The following IL1RAPL1 variants were observed in gnomAD, a reference collection of about 807,000 sequenced individuals.
IL1RAPL1 encodes interleukin-1 receptor accessory protein-like 1.
IL1RAPL1 carries 3 observed loss-of-function variants against 48.4 expected under a neutral mutation model. The ratio of observed to expected loss-of-function variants is 0.06; its 90% CI spans 0.03 to 0.16. The LOEUF is 0.16. IL1RAPL1 is among the 10% of genes least tolerant of loss of function. IL1RAPL1 has a pLI of 1.00. For missense variants in IL1RAPL1, 349 were observed against 530.6 expected, an observed-to-expected ratio of 0.66 and a Z score of 3.36; for synonymous variants, 185 against 187.7, an observed-to-expected ratio of 0.99 and a Z score of 0.12.
intron 2 of IL1RAPL1, among the ~76,000 whole-genome samples, chrX:28,798,703 A>G (rs975321726): frequency 8.9e-6 from 1 of 112,252 alleles, no homozygotes; most frequent in Non-Finnish European, 1.9e-5. Flanking sequence ...AAGAATTGTC[A>G]GCCAGGAGCC....
chrX:29,299,181 G>A (rs777727404), intron 3 of IL1RAPL1, among the ~76,000 whole-genome samples: 1 of 111,219 alleles, frequency 9.0e-6, no homozygotes, highest in Non-Finnish European at 1.9e-5. Context: ...TGGGACTCGG[G>A]CTGGCTCTCC....
At chrX:29,446,335 G>A (rs1323135067) in intron 5 of IL1RAPL1, among the ~76,000 whole-genome samples, 5 of 111,589 alleles carry the variant, frequency 4.5e-5, no homozygotes, top group Non-Finnish European at 9.4e-5. Context: ...AAAGATCTTT[G>A]ACAGTCATTT....
chrX:29,315,461 G>A (rs1038877165), intron 3 of IL1RAPL1, among the ~76,000 whole-genome samples: 1 of 111,301 alleles, frequency 9.0e-6, no homozygotes, highest in African/African-American at 3.3e-5. Context: ...ACCTTCCGAA[G>A]ATTCCAATTT....
chrX:28,717,637 C>T lies in IL1RAPL1; in HGVS notation c.-24-71683C>T, dbSNP rs768001207. ...ATGTTACAAAGCTACACATGTACTCCTGAACTTAAAATAAAAGAATAAAAA... is the reference window on the plus strand; with the variant it reads ...ATGTTACAAAGCTACACATGTACTCTTGAACTTAAAATAAAAGAATAAAAA... On this transcript the variant is annotated intron_variant, in intron 1 of 10. Coordinates refer to ENST00000378993, the MANE Select transcript of IL1RAPL1 (RefSeq NM_014271.4). Among the ~76,000 whole-genome samples the T allele has an allele frequency of 2.7e-5, 3 of 111,462 alleles. No homozygotes were observed. The South Asian group carries it at 1.1e-3, about 42-fold the overall frequency.
At chrX:29,675,065 T>C (rs1926240836) in intron 6 of IL1RAPL1, among the ~76,000 whole-genome samples, 2 of 112,619 alleles carry the variant, frequency 1.8e-5, no homozygotes, top group African/African-American at 6.5e-5. Flanking sequence ...GAAGGATTTA[T>C]ATTCCTTTGG....
intron 5 of IL1RAPL1, among the ~76,000 whole-genome samples, chrX:29,419,772 C>T (rs1331293196): frequency 8.9e-6 from 1 of 112,157 alleles, no homozygotes; most frequent in Admixed American, 9.5e-5. Flanking sequence ...TGTAAACATA[C>T]CAAATGTACC....
At chrX:29,769,686 G>A (rs1288374037) in intron 6 of IL1RAPL1, among the ~76,000 whole-genome samples, 3 of 96,043 alleles carry the variant, frequency 3.1e-5, no homozygotes, top group Admixed American at 1.2e-4. Context: ...GCGTGATCTC[G>A]GCTCACTGCA....
chrX:29,383,500 T>A (rs183362159), intron 3 of IL1RAPL1, among the ~76,000 whole-genome samples: 169 of 112,274 alleles, frequency 1.5e-3, no homozygotes, highest in Non-Finnish European at 2.6e-3. Flanking sequence ...ATTTCTGCAT[T>A]GTCTCTGTTG....
chrX:29,947,008 G>GT, intron 9 of IL1RAPL1, among the ~76,000 whole-genome samples: 1 of 112,004 alleles, frequency 8.9e-6, no homozygotes, highest in Middle Eastern at 4.6e-3. Flanking sequence ...TATCCATTGT[G>GT]TTAATTGATG....
chrX:28,988,933 G>C (rs1925538669), intron 2 of IL1RAPL1, among the ~76,000 whole-genome samples: 1 of 111,306 alleles, frequency 9.0e-6, no homozygotes, highest in Non-Finnish European at 1.9e-5. Flanking sequence ...ATAAGAGAAG[G>C]AAAGTTTCAC....
intron 2 of IL1RAPL1, among the ~76,000 whole-genome samples, chrX:29,033,611 G>A (rs1926667343): frequency 9.0e-6 from 1 of 111,205 alleles, no homozygotes. Flanking sequence ...TTTTAAGTAA[G>A]GCAGTGACAT....
chrX:28,967,280 G>A (rs1489602564), intron 2 of IL1RAPL1, among the ~76,000 whole-genome samples: 2 of 111,242 alleles, frequency 1.8e-5, no homozygotes, highest in East Asian at 5.6e-4. Flanking sequence ...AGGCACTGAA[G>A]CTTTATATAC....
rs775452406 is a variant in IL1RAPL1, at chrX:29,955,716, C to A, written c.1987C>A (p.Gln663Lys). The A allele has an allele frequency of 8.3e-7, 1 of 1,211,689 alleles. No homozygotes were observed. Among genetic ancestry groups the A allele is most frequent in the Admixed American group, 2.2e-5 (1 of 46,070 alleles). The change falls in exon 11 of 11, where the codon CAG becomes AAG. Residue 663 changes from glutamine to lysine, a missense_variant. By Grantham distance (53) the Gln-to-Lys change is moderately conservative. This residue lies in a region of IL1RAPL1 where 65 missense variants were observed against 79.6 expected (regional missense o/e 0.82). Coordinates refer to ENST00000378993, the MANE Select transcript of IL1RAPL1 (RefSeq NM_014271.4). The part of the protein sequence containing the change: ...PMTLINGQRP[Q>K]TKSSREQNPD... The stretch of plus-strand genomic sequence containing the variant: ...GACACTCATCAACGGGCAGCGGCCA[C>A]AGACAAAATCGAGCAGGGAGCAGAA...
At chrX:29,272,402 A>G (rs1241627151) in intron 2 of IL1RAPL1, among the ~76,000 whole-genome samples, 4 of 111,368 alleles carry the variant, frequency 3.6e-5, no homozygotes, top group Non-Finnish European at 5.6e-5. Flanking sequence ...CCCTGGTTCA[A>G]TCACTTATAA....
rs747781080 is a variant in IL1RAPL1 at position 28,603,735 on chromosome X, G to A, written c.-25+15688G>A. ...AATCTCCCGAGGTGTCCTGGTCTAA[G>A]CAAGATAATAGGAGAAAAGAGAGTT... On this transcript the variant is annotated intron_variant, in intron 1 of 10. Coordinates refer to ENST00000378993, the MANE Select transcript of IL1RAPL1 (RefSeq NM_014271.4). Among the ~76,000 whole-genome samples the A allele has an allele frequency of 5.3e-5, 6 of 112,382 alleles. No individual in the cohort carries two copies. The South Asian group carries it at 2.2e-3, about 42-fold the overall frequency.
chrX:29,782,643 C>T (rs993496763), intron 6 of IL1RAPL1, among the ~76,000 whole-genome samples: 14 of 111,022 alleles, frequency 1.3e-4, no homozygotes, highest in African/African-American at 4.6e-4. Context: ...GTAATTCTGT[C>T]TCATATAGTC....
intron 3 of IL1RAPL1, among the ~76,000 whole-genome samples, chrX:29,381,833 A>AAAAATAT (rs1365599735): frequency 1.6e-4 from 4 of 25,382 alleles, no homozygotes; most frequent in Admixed American, 6.1e-4. Context: ...AAAAAAAAAA[A>AAAAATAT]ATATATATAT....
chrX:29,479,684 C>T (rs758067562), intron 5 of IL1RAPL1, among the ~76,000 whole-genome samples: 1 of 109,535 alleles, frequency 9.1e-6, no homozygotes, highest in Non-Finnish European at 1.9e-5. Flanking sequence ...ACGTTCCCCC[C>T]CAGTCCCCAG....
At chrX:29,698,843 T>C (rs983653634) in intron 6 of IL1RAPL1, among the ~76,000 whole-genome samples, 4 of 112,239 alleles carry the variant, frequency 3.6e-5, no homozygotes, top group Non-Finnish European at 3.8e-5. Context: ...CATTTAGGAT[T>C]CTAATTCTAA....
Sources: gnomAD v4.1 joint callset for allele counts (sites outside exome capture counted in the v4.1 genomes callset) on GRCh38, gnomAD v4.1.1 for gene constraint, gnomAD v4.1.1 regional missense constraint, MANE v1.5 for transcripts, NCBI Gene and HGNC (gene_info 2026-07-23, HGNC 2026-07-21) for gene names.